AFG1L: variants seen among roughly 807,000 people sequenced by gnomAD.
The protein encoded by AFG1L is AFG1-like ATPase.
Under a neutral mutation model 62.2 loss-of-function variants are expected in AFG1L, and 53 were observed. The ratio of observed to expected loss-of-function variants is 0.85; its 90% CI spans 0.68 to 1.07. The LOEUF (loss-of-function observed/expected upper bound fraction) is 1.07, where lower values mean the gene tolerates loss of function less well. AFG1L is among the 50% of genes least tolerant of loss of function. AFG1L has a pLI of 0.00. For missense variants in AFG1L, 555 were observed against 590.5 expected (o/e 0.94, Z 0.62); for synonymous variants, 228 against 210.3 (o/e 1.08, Z -0.73).
At chr6:108,296,077 A>G (rs1018877543) in intron 1 of AFG1L, among the ~76,000 whole-genome samples, 10 of 152,228 alleles carry the variant, frequency 6.6e-5, no homozygotes, top group African/African-American at 2.4e-4. Context: ...AATAAGGTAT[A>G]TACCTTAATA....
intron 2 of AFG1L, among the ~76,000 whole-genome samples, chr6:108,343,604 T>G (rs916026316): frequency 2.6e-5 from 4 of 152,230 alleles, no homozygotes; most frequent in Non-Finnish European, 5.9e-5. Flanking sequence ...TTAGAGATTA[T>G]TAGGTTTTAT....
intron 1 of AFG1L, among the ~76,000 whole-genome samples, chr6:108,322,241 G>A (rs879653217): frequency 7.2e-5 from 11 of 152,062 alleles, no homozygotes; most frequent in Non-Finnish European, 1.6e-4. Context: ...AAAAATCCAG[G>A]TAGGCAATCC....
Position 108,494,490 on chromosome 6 carries a change from C to G in AFG1L, c.1063-15722C>G, listed in dbSNP as rs142553308. On this transcript the variant is annotated intron_variant, in intron 10 of 12. Coordinates refer to ENST00000368977, the MANE Select transcript of AFG1L (RefSeq NM_145315.5). ...CCATTAAAAGGGGATGAGAATTTAGCAAAAATCTGGCAGATTTAGGTAGAA... is the reference window on the plus strand; with the variant it reads ...CCATTAAAAGGGGATGAGAATTTAGGAAAAATCTGGCAGATTTAGGTAGAA... Among the ~76,000 whole-genome samples the G allele has an allele frequency of 6.7e-3, 1,016 of 151,756 alleles. 7 individuals are homozygous for G. Among genetic ancestry groups the G allele is most frequent in the Non-Finnish European group, 0.01 (710 of 67,950 alleles).
At chr6:108,469,159 T>C (rs1213598436) in intron 8 of AFG1L, among the ~76,000 whole-genome samples, 1 of 152,124 alleles carries the variant, frequency 6.6e-6, no homozygotes, top group East Asian at 1.9e-4. Flanking sequence ...TGGAGGGTGA[T>C]AAGGTGGCTG....
At chr6:108,375,102 T>C (rs1190955798) in intron 6 of AFG1L, among the ~76,000 whole-genome samples, 1 of 152,130 alleles carries the variant, frequency 6.6e-6, no homozygotes, top group African/African-American at 2.4e-5. Flanking sequence ...ACAAATGGGA[T>C]TGCATTCTTG....
intron 2 of AFG1L, among the ~76,000 whole-genome samples, chr6:108,325,769 A>G (rs1192267929): frequency 6.6e-6 from 1 of 151,814 alleles, no homozygotes; most frequent in African/African-American, 2.4e-5. Context: ...TACAGGCATA[A>G]GCCACTGCAC....
intron 10 of AFG1L, among the ~76,000 whole-genome samples, chr6:108,504,319 A>G (rs1774313550): frequency 1.3e-5 from 2 of 152,242 alleles, no homozygotes; most frequent in African/African-American, 4.8e-5. Context: ...ACTTGAACAC[A>G]GAGGCCACTG....
chr6:108,381,914 A>G (rs941703756), intron 6 of AFG1L, among the ~76,000 whole-genome samples: 1 of 152,174 alleles, frequency 6.6e-6, no homozygotes, highest in Non-Finnish European at 1.5e-5. Flanking sequence ...GCAGATTAAC[A>G]GAAGGTGCTA....
Position 108,339,212 on chromosome 6 carries a change from G to A in AFG1L, c.364-7776G>A, listed in dbSNP as rs146553898. 9.0e-3 allele frequency among the ~76,000 whole-genome samples: 1,346 copies of A among 150,356 alleles called. 16 individuals are homozygous for A. The highest frequency in any genetic ancestry group is 0.03 in the African/African-American group (1,242 of 40,848). On this transcript the variant is annotated intron_variant, in intron 2 of 12. Coordinates refer to ENST00000368977, the MANE Select transcript of AFG1L (RefSeq NM_145315.5). ...TTCGCCCAGGCTGGAGTGCAGTGGT[G>A]TAATCTCAGCTCACTGCAATCTCTG...
At position 108,506,762 on chromosome 6, in the gene AFG1L, T is replaced by G. The variant is rs183547783; in HGVS notation, c.1063-3450T>G. Among the ~76,000 whole-genome samples, 253 of 152,360 alleles carry G rather than the reference T, an allele frequency of 1.7e-3. 2 individuals carry two copies. In the Middle Eastern group the frequency reaches 0.041, roughly 25 times the overall value. On this transcript the variant is annotated intron_variant, in intron 10 of 12. Coordinates refer to ENST00000368977, the MANE Select transcript of AFG1L (RefSeq NM_145315.5). ...TAAATGGTTGTTATAATGTATTGCTTTTTAATTTGTACTGGTTTTTATGTT... is the reference window on the plus strand; with the variant it reads ...TAAATGGTTGTTATAATGTATTGCTGTTTAATTTGTACTGGTTTTTATGTT...
chr6:108,399,380 G>A (rs1329051973), intron 6 of AFG1L, among the ~76,000 whole-genome samples: 3 of 151,532 alleles, frequency 2.0e-5, no homozygotes, highest in Non-Finnish European at 4.4e-5. Context: ...GAGAGACAGG[G>A]TTTCACCGTG....
chr6:108,495,389 C>T (rs897870256), intron 10 of AFG1L, among the ~76,000 whole-genome samples: 2 of 152,168 alleles, frequency 1.3e-5, no homozygotes, highest in Non-Finnish European at 2.9e-5. Context: ...AGCTTGAAAT[C>T]ATAATCGTCC....
rs571993795 is a variant in AFG1L, at chr6:108,470,605, C to G, written c.891-6260C>G. On this transcript the variant is annotated intron_variant, in intron 8 of 12. Coordinates refer to ENST00000368977, the MANE Select transcript of AFG1L (RefSeq NM_145315.5). ...TTACTCTTCCATTGTATAAGTGTATCCAAATGTACTTAACCAAATTCCCCA... is the reference window on the plus strand; with the variant it reads ...TTACTCTTCCATTGTATAAGTGTATGCAAATGTACTTAACCAAATTCCCCA... Among the ~76,000 whole-genome samples the G allele has an allele frequency of 2.0e-3, 305 of 152,282 alleles. 1 individual carries two copies. The highest frequency in any genetic ancestry group is 6.8e-3 in the African/African-American group (282 of 41,556).
intron 5 of AFG1L, among the ~76,000 whole-genome samples, chr6:108,363,857 G>A (rs1779640038): frequency 6.6e-6 from 1 of 152,094 alleles, no homozygotes; most frequent in Admixed American, 6.6e-5. Flanking sequence ...GCTTATTTTT[G>A]TGCTAATCCT....
intron 6 of AFG1L, among the ~76,000 whole-genome samples, chr6:108,371,847 C>A: frequency 6.6e-6 from 1 of 152,086 alleles, no homozygotes; most frequent in African/African-American, 2.4e-5. Flanking sequence ...ACTTTGAATG[C>A]GTGGGCTCAA....
chr6:108,296,929 G>T (rs960688884), intron 1 of AFG1L, among the ~76,000 whole-genome samples: 3 of 152,068 alleles, frequency 2.0e-5, no homozygotes, highest in Non-Finnish European at 4.4e-5. Flanking sequence ...TATATGGCTA[G>T]TAAGTGTCAG....
chr6:108,395,813 A>G (rs889106524), intron 6 of AFG1L, among the ~76,000 whole-genome samples: 1 of 151,198 alleles, frequency 6.6e-6, no homozygotes, highest in Admixed American at 6.6e-5. Context: ...AAGGAGAGAG[A>G]GAGGGAGAGA....
At chr6:108,321,188 T>A (rs1018171302) in intron 1 of AFG1L, among the ~76,000 whole-genome samples, 29 of 152,238 alleles carry the variant, frequency 1.9e-4, no homozygotes, top group African/African-American at 6.7e-4. Context: ...AACTACAAAT[T>A]TGGGAATTCC....
chr6:108,326,794 T>C (rs893991481), intron 2 of AFG1L, among the ~76,000 whole-genome samples: 1 of 152,168 alleles, frequency 6.6e-6, no homozygotes, highest in Non-Finnish European at 1.5e-5. Context: ...ACCCTGTCTC[T>C]ACTAAAAATA....
Sources: allele counts gnomAD v4.1 joint callset (sites outside exome capture counted in the v4.1 genomes callset), GRCh38; gene constraint gnomAD v4.1.1; transcripts MANE v1.5; gene names NCBI Gene and HGNC (gene_info 2026-07-23, HGNC 2026-07-21).